RBFOX1: variants seen among roughly 807,000 people sequenced by gnomAD.
RBFOX1 encodes the protein RNA binding fox-1 homolog 1.
RBFOX1 carries 8 observed loss-of-function variants against 57.7 expected under a neutral mutation model. The ratio of observed to expected loss-of-function variants is 0.14; its 90% confidence interval spans 0.08 to 0.25. The LOEUF is 0.25. RBFOX1 is among the 10% of genes least tolerant of loss of function. The pLI is 1.00. For missense variants in RBFOX1, 611 were observed against 548.5 expected (o/e 1.11, Z -1.14); for synonymous variants, 326 against 222.4 (o/e 1.47, Z -4.15).
intron 3 of RBFOX1, among the ~76,000 whole-genome samples, chr16:6,976,171 C>G (rs945171963): frequency 6.6e-6 from 1 of 152,048 alleles, no homozygotes; most frequent in African/African-American, 2.4e-5. Flanking sequence ...TTAACTGGTG[C>G]TTTGCTATGA....
chr16:5,425,259 C>A (rs2067522614), intron 1 of RBFOX1, among the ~76,000 whole-genome samples: 1 of 152,008 alleles, frequency 6.6e-6, no homozygotes, highest in African/African-American at 2.4e-5. Context: ...ACGTGCACCA[C>A]CACGTCCAGC....
At chr16:6,542,483 C>CTTCTTTTTT (rs2096834996) in intron 2 of RBFOX1, among the ~76,000 whole-genome samples, 1 of 55,720 alleles carries the variant, frequency 1.8e-5, no homozygotes, top group Non-Finnish European at 3.0e-5. Flanking sequence ...GGACCATAGT[C>CTTCTTTTTT]TTTTTTTTTT....
At chr16:5,358,611 G>T (rs187241354) in intron 1 of RBFOX1, among the ~76,000 whole-genome samples, 1 of 152,254 alleles carries the variant, frequency 6.6e-6, no homozygotes, top group East Asian at 1.9e-4. Flanking sequence ...ATCACCTGAG[G>T]TCAGGAGTTT....
At chr16:7,412,270 C>T (rs894880858) in intron 4 of RBFOX1, among the ~76,000 whole-genome samples, 10 of 151,858 alleles carry the variant, frequency 6.6e-5, no homozygotes, top group African/African-American at 2.2e-4. Flanking sequence ...CAAAAATTAG[C>T]CAGGCGTGGT....
chr16:6,419,148 C>A (rs886543523), intron 2 of RBFOX1, among the ~76,000 whole-genome samples: 22 of 152,138 alleles, frequency 1.4e-4, no homozygotes, highest in Admixed American at 5.2e-4. Flanking sequence ...TTTTTCCAAA[C>A]CTTCAATTTT....
chr16:5,935,755 A>C (rs932338209), intron 4 of RBFOX1, among the ~76,000 whole-genome samples: 1 of 152,240 alleles, frequency 6.6e-6, no homozygotes, highest in Non-Finnish European at 1.5e-5. Flanking sequence ...AGCCTGGTCT[A>C]CTTAGCGGCA....
intron 3 of RBFOX1, among the ~76,000 whole-genome samples, chr16:5,690,906 C>T (rs150245197): frequency 6.6e-6 from 1 of 152,114 alleles, no homozygotes; most frequent in Non-Finnish European, 1.5e-5. Flanking sequence ...TTTGGGGGAA[C>T]TGCTCATTCC....
intron 3 of RBFOX1, among the ~76,000 whole-genome samples, chr16:6,759,823 T>C (rs2154197920): frequency 6.6e-6 from 1 of 152,208 alleles, no homozygotes; most frequent in East Asian, 1.9e-4. Context: ...TACTAGATTG[T>C]TTATAATAGC....
At chr16:5,932,081 A>G (rs1358505101) in intron 4 of RBFOX1, among the ~76,000 whole-genome samples, 6 of 152,164 alleles carry the variant, frequency 3.9e-5, no homozygotes. Context: ...TGCGGATTGC[A>G]GGAATGAGCC....
chr16:7,101,168 G>A (rs2062625438), intron 4 of RBFOX1, among the ~76,000 whole-genome samples: 1 of 152,162 alleles, frequency 6.6e-6, no homozygotes, highest in Non-Finnish European at 1.5e-5. Context: ...TTTAGTCAGA[G>A]CTATGCATGC....
chr16:6,869,731 G>A (rs555562164), intron 3 of RBFOX1, among the ~76,000 whole-genome samples: 11 of 152,276 alleles, frequency 7.2e-5, no homozygotes, highest in Admixed American at 2.6e-4. Context: ...CTAGAGAACC[G>A]TGTTGACTGA....
intron 4 of RBFOX1, among the ~76,000 whole-genome samples, chr16:5,879,844 C>T (rs929884122): frequency 6.6e-6 from 1 of 152,198 alleles, no homozygotes. Flanking sequence ...CCTCCACTAT[C>T]ACTCTGGCAG....
chr16:7,615,402 G>T (rs978319442), intron 10 of RBFOX1, among the ~76,000 whole-genome samples: 7 of 152,164 alleles, frequency 4.6e-5, no homozygotes, highest in African/African-American at 1.7e-4. Context: ...CCACATGCCA[G>T]AGTTCATGTT....
At chr16:6,902,988 A>G (rs1302117248) in intron 3 of RBFOX1, among the ~76,000 whole-genome samples, 1 of 152,234 alleles carries the variant, frequency 6.6e-6, no homozygotes, top group East Asian at 1.9e-4. Context: ...ATAGTTACAC[A>G]TCAGTCACCA....
intron 2 of RBFOX1, among the ~76,000 whole-genome samples, chr16:6,569,618 G>T (rs1033449196): frequency 1.3e-5 from 2 of 152,160 alleles, no homozygotes; most frequent in Admixed American, 6.5e-5. Flanking sequence ...CTTTTCTGTT[G>T]CAGAAGTTTC....
chr16:5,993,395 GAGAC>G lies in RBFOX1; in HGVS notation c.351+126064_351+126067del, dbSNP rs1401779043. 8.9e-4 allele frequency among the ~76,000 whole-genome samples: 119 copies of G among 133,184 alleles called. 1 individual carries two copies. The Middle Eastern group carries it at 0.011, about 12-fold the overall frequency. The allele number at this position is 133,184 out of a possible 152,430, so 87.4% of individuals were successfully genotyped here. A position where few individuals can be genotyped will look rare whatever the true frequency, so the allele number is the denominator to read the frequency against. On this transcript the variant is annotated intron_variant, in intron 4 of 19. Coordinates refer to the RBFOX1 transcript ENST00000641259. The stretch of plus-strand genomic sequence containing the variant: ...TGTGTGTGTGTGTGTGAGAGAGAGA[GAGAC>G]AGAGAGAGAGAGAGAGAGAGAAGGA...
At chr16:5,714,707 A>C (rs192874476) in intron 3 of RBFOX1, among the ~76,000 whole-genome samples, 8 of 152,344 alleles carry the variant, frequency 5.3e-5, no homozygotes, top group Non-Finnish European at 1.0e-4. Context: ...GAAATAACAA[A>C]AGCCATAATA....
intron 5 of RBFOX1, among the ~76,000 whole-genome samples, chr16:7,562,161 T>G (rs2090534863): frequency 6.6e-6 from 1 of 152,110 alleles, no homozygotes; most frequent in Admixed American, 6.6e-5. Context: ...ATCTTGGGAG[T>G]ATTTGACATG....
intron 3 of RBFOX1, among the ~76,000 whole-genome samples, chr16:5,700,102 G>C (rs1173656706): frequency 2.0e-5 from 3 of 152,176 alleles, no homozygotes; most frequent in South Asian, 2.1e-4. Context: ...AAAGTGCTGG[G>C]ATTACAGGCG....
Sources: gnomAD v4.1 joint callset for allele counts (sites outside exome capture counted in the v4.1 genomes callset) on GRCh38, gnomAD v4.1.1 for gene constraint, MANE v1.5 for transcripts, NCBI Gene and HGNC (gene_info 2026-07-23, HGNC 2026-07-21) for gene names.